The following DLEC1 variants were observed in gnomAD, a reference collection of about 807,000 sequenced individuals.
DLEC1 encodes the protein deleted in lung and esophageal cancer protein 1.
A neutral mutation model predicts 198.1 loss-of-function variants in DLEC1; 146 were observed. The observed-to-expected ratio is 0.74, with a 90% CI of 0.64 to 0.85. The LOEUF is 0.85. DLEC1 is among the 40% of genes least tolerant of loss of function. The pLI is 0.00. For synonymous variants in DLEC1, 897 were observed against 866.8 expected (o/e 1.03, Z -0.61); for missense variants, 2,233 against 2,220.0 (o/e 1.01, Z -0.12).
Position 38,045,630 on chromosome 3 carries a change from A to G in DLEC1, c.499A>G (p.Asn167Asp), listed in dbSNP as rs780810186. The G allele has an allele frequency of 1.9e-6, 3 of 1,614,128 alleles. No individual in the cohort carries two copies. The highest frequency in any genetic ancestry group is 2.5e-6 in the Non-Finnish European group (3 of 1,180,024). ...GGCCCAAGCACGGGCTATTGCGGAA[A>G]ATGAGCGGGTCATGAGCCAGGCTGG... ...TQAQARAIAE[N>D]ERVMSQAGVQ... Residue 167 changes from asparagine to aspartate, a missense_variant, in exon 2 of 37, where the codon AAT becomes GAT. Physicochemically the swap from Asn to Asp is conservative, Grantham distance 23 (BLOSUM62 1). Transcript: ENST00000308059.
At chr3:38,075,275 C>A (rs1460666820) in intron 6 of DLEC1, among the ~76,000 whole-genome samples, 3 of 152,134 alleles carry the variant, frequency 2.0e-5, no homozygotes, top group African/African-American at 7.2e-5. Flanking sequence ...GGACGTAAGG[C>A]ACCTCAGACC....
rs757448731 is a variant in DLEC1, at chr3:38,111,771, T to C, written c.3514+24T>C. On this transcript the variant is annotated intron_variant, in intron 24 of 36. Transcript: ENST00000308059. The stretch of plus-strand genomic sequence containing the variant: ...GGGTAAGCGCCACCAGGGTGGGGCT[T>C]CGGGGCCCAGGCCACGGCCAGAGCC... 14 of 1,605,182 alleles carry C rather than the reference T, an allele frequency of 8.7e-6. No individual in the cohort carries two copies. The African/African-American group carries it at 1.9e-4, about 21-fold the overall frequency.
rs1700614066 is a variant in DLEC1 at position 38,124,016 on chromosome 3, A to ATGT, written c.*1604_*1605insTGT. 1.3e-5 allele frequency: 2 copies of ATGT among 152,158 alleles called. No homozygotes were observed. The highest frequency in any genetic ancestry group is 2.9e-5 in the Non-Finnish European group (2 of 68,024). 9.4% of individuals were successfully genotyped at this position (152,158 alleles called of 1,614,324 possible). On this transcript the variant is annotated 3_prime_UTR_variant, in exon 37 of 37. Coordinates refer to ENST00000308059, the MANE Select transcript of DLEC1 (RefSeq NM_007335.4). ...ACGGAGTGAGATTCCATGTCAAAAA[A>ATGT]AAAAAAAAATGTACATTTTTAAAAG...
Position 38,097,223 on chromosome 3 carries a change from G to A in DLEC1, c.2382G>A (p.Gly794=). 6.3e-7 allele frequency: 1 copy of A among 1,587,452 alleles called. No individual in the cohort carries two copies. The highest frequency in any genetic ancestry group is 8.6e-7 in the Non-Finnish European group (1 of 1,165,664). Reference sequence around the variant, plus strand: ...AGTCACCCATCAGATACCTGTGGGGGAAGATCAGCGACTGCCACATCATTG... The same window carrying A: ...AGTCACCCATCAGATACCTGTGGGGAAAGATCAGCGACTGCCACATCATTG... ...NSKSPIRYLW[G]KISDCHIIEV... The change falls in exon 16 of 37, where the codon GGG becomes GGA. Residue 794 remains glycine (G), a synonymous_variant. Transcript: ENST00000308059.
chr3:38,114,856 A>T, intron 26 of DLEC1, 127 bp from the exon 27 acceptor site: 1 of 796,364 alleles, frequency 1.3e-6, no homozygotes, highest in Non-Finnish European at 2.0e-6. Flanking sequence ...AGGTCTCATT[A>T]ATTCTCGAGT....
In DLEC1 at chr3:38,064,347, C is replaced by T. The variant is rs186197935; in HGVS notation, c.1173+428C>T. Among the ~76,000 whole-genome samples the T allele has an allele frequency of 5.8e-3, 889 of 152,276 alleles. 11 individuals are homozygous for T. Among genetic ancestry groups the T allele is most frequent in the Middle Eastern group, 0.024 (7 of 294 alleles). On this transcript the variant is annotated intron_variant, in intron 6 of 36. Transcript: ENST00000308059. ...TTGGGGGTAAGGTTATAGATTAACA[C>T]CATCCCAAGGCAGAAGAATTTTTCT...
At chr3:38,041,847 CA>C (rs751455053) in intron 1 of DLEC1, among the ~76,000 whole-genome samples, 1,405 of 71,746 alleles carry the variant, frequency 0.02, 9 homozygotes, top group African/African-American at 0.059. Flanking sequence ...GACTCCGTTT[CA>C]AAAAAAAAAA....
intron 19 of DLEC1, among the ~76,000 whole-genome samples, chr3:38,104,477 A>G (rs372942521): frequency 9.5e-4 from 145 of 152,058 alleles, no homozygotes; most frequent in African/African-American, 3.4e-3. Context: ...TCCCCCCAAA[A>G]AAAGATTTTT....
rs1700609474 is a variant in DLEC1 at position 38,123,925 on chromosome 3, T to C, written c.*1513T>C. 1 of 151,058 alleles carries C rather than the reference T, an allele frequency of 6.6e-6. No homozygotes were observed. Among genetic ancestry groups the C allele is most frequent in the Non-Finnish European group, 1.5e-5 (1 of 67,878 alleles). 9.4% of individuals were successfully genotyped at this position (151,058 alleles called of 1,614,324 possible). On this transcript the variant is annotated 3_prime_UTR_variant, in exon 37 of 37. Coordinates refer to ENST00000308059, the MANE Select transcript of DLEC1 (RefSeq NM_007335.4). ...CTGAGGCTGAGGCAGGAAAATTGCT[T>C]GAACCCAAAAGGCAGAGGTTGCAGT...
chr3:38,059,877 C>G, intron 3 of DLEC1, 25 bp downstream of exon 3: 2 of 1,601,714 alleles, frequency 1.2e-6, no homozygotes, highest in African/African-American at 2.7e-5. Context: ...CTCTCAAGGC[C>G]TCTGATACCA....
chr3:38,105,568 ACATT>A (rs1282780467), intron 19 of DLEC1, among the ~76,000 whole-genome samples: 1 of 152,068 alleles, frequency 6.6e-6, no homozygotes, highest in Non-Finnish European at 1.5e-5. Flanking sequence ...ATTTTATCTA[ACATT>A]CATATATCTC....
At chr3:38,109,752 C>A in intron 22 of DLEC1, 190 bp downstream of exon 22, 1 of 989,152 alleles carries the variant, frequency 1.0e-6, no homozygotes, top group South Asian at 1.7e-5. Flanking sequence ...TCCCTGCCCT[C>A]TGTGTGGTCT....
intron 27 of DLEC1, among the ~76,000 whole-genome samples, chr3:38,115,473 C>T (rs936202484): frequency 1.3e-5 from 2 of 151,990 alleles, no homozygotes; most frequent in African/African-American, 2.4e-5. Flanking sequence ...GCCAGGCTCC[C>T]CTGTGGAGGG....
At chr3:38,058,544 T>C (rs1260991966) in intron 2 of DLEC1, among the ~76,000 whole-genome samples, 3 of 152,232 alleles carry the variant, frequency 2.0e-5, no homozygotes, top group Admixed American at 6.5e-5. Flanking sequence ...AAAAGTCTTA[T>C]ATTCTTCCTG....
chr3:38,122,271 C>G lies in DLEC1; in HGVS notation c.5145-18C>G. Reference sequence around the variant, plus strand: ...GCCCAGGTGCCTCCTAACCTCAGCCCCCACATGCTCCCCACAGGAGTAGTG... The same window carrying G: ...GCCCAGGTGCCTCCTAACCTCAGCCGCCACATGCTCCCCACAGGAGTAGTG... On this transcript the variant is annotated intron_variant, in intron 36 of 36. Transcript: ENST00000308059. The G allele has an allele frequency of 6.2e-7, 1 of 1,608,224 alleles. No homozygotes were observed. Among genetic ancestry groups the G allele is most frequent in the Non-Finnish European group, 8.5e-7 (1 of 1,175,740 alleles).
intron 19 of DLEC1, among the ~76,000 whole-genome samples, chr3:38,101,123 C>T (rs1012867255): frequency 1.3e-5 from 2 of 152,162 alleles, no homozygotes; most frequent in Non-Finnish European, 2.9e-5. Context: ...TATCCCCTAT[C>T]TCCTTCTCCC....
intron 1 of DLEC1, among the ~76,000 whole-genome samples, chr3:38,040,504 C>T (rs1330045352): frequency 6.6e-6 from 1 of 152,176 alleles, no homozygotes; most frequent in Non-Finnish European, 1.5e-5. Context: ...GAGATACTTA[C>T]AGGACCAGTC....
chr3:38,102,971 CTTAA>C (rs1233741911), intron 19 of DLEC1, among the ~76,000 whole-genome samples: 1 of 152,096 alleles, frequency 6.6e-6, no homozygotes, highest in Non-Finnish European at 1.5e-5. Flanking sequence ...CAGTCTTTTT[CTTAA>C]TTTTCAATTT....
rs1699681076 is a variant in DLEC1 at position 38,108,400 on chromosome 3, G to T, written c.3019-5G>T. On this transcript the variant is annotated splice_polypyrimidine_tract_variant and splice_region_variant and intron_variant, in intron 20 of 36. Transcript: ENST00000308059. ...TGACAACAGGCTCACTCATGTGTCT[G>T]CCAGCTCCTCGGACACCAAGCAGAA... 1 of 1,612,886 alleles carries T rather than the reference G, an allele frequency of 6.2e-7. No individual in the cohort carries two copies. Among genetic ancestry groups the T allele is most frequent in the Non-Finnish European group, 8.5e-7 (1 of 1,179,302 alleles).
Sources: gnomAD v4.1 joint callset for allele counts (sites outside exome capture counted in the v4.1 genomes callset) on GRCh38, gnomAD v4.1.1 for gene constraint, MANE v1.5 for transcripts, NCBI Gene and HGNC (gene_info 2026-07-23, HGNC 2026-07-21) for gene names.